Variants in IMPG1 observed in about 807,000 individuals in gnomAD.
IMPG1 encodes the protein interphotoreceptor matrix proteoglycan of 150 kDa.
IMPG1 carries 85 observed loss-of-function variants against 92.0 expected under a neutral mutation model. That is an observed-to-expected ratio of 0.92 (90% CI 0.78 to 1.11). IMPG1 has a LOEUF of 1.11. Ranked by LOEUF, IMPG1 falls within the 50% of genes least tolerant of loss-of-function variation. The pLI is 0.00. For synonymous variants in IMPG1, 367 were observed against 334.1 expected, an observed-to-expected ratio of 1.10 and a Z score of -1.08; for missense variants, 1,022 against 956.0, an observed-to-expected ratio of 1.07 and a Z score of -0.91.
At chr6:75,938,370 A>G (rs947818821) in intron 14 of IMPG1, among the ~76,000 whole-genome samples, 4 of 152,224 alleles carry the variant, frequency 2.6e-5, no homozygotes, top group African/African-American at 9.6e-5. Flanking sequence ...CTCTCCCAGT[A>G]TTGTGACCAC....
At chr6:75,954,573 C>T (rs188322842) in intron 12 of IMPG1, among the ~76,000 whole-genome samples, 1 of 152,252 alleles carries the variant, frequency 6.6e-6, no homozygotes, top group Admixed American at 6.5e-5. Context: ...TGCCTGTTCA[C>T]TCTGATGATA....
At chr6:75,964,641 C>G (rs1331262142) in intron 12 of IMPG1, among the ~76,000 whole-genome samples, 1 of 135,534 alleles carries the variant, frequency 7.4e-6, no homozygotes, top group Non-Finnish European at 1.5e-5. Context: ...GGCGCCACTG[C>G]ACTCCAGTCT....
rs756323795 is a variant in IMPG1, at chr6:76,022,115, C to G, written c.666+1G>C. The G allele has an allele frequency of 2.6e-6, 4 of 1,536,844 alleles. No individual in the cohort carries two copies. In the East Asian group the frequency reaches 7.0e-5, roughly 27 times the overall value. On this transcript the variant is annotated splice_donor_variant, in intron 6 of 16. Transcript: ENST00000369950. LOFTEE classifies it high-confidence loss of function. ...CTAGATCAACTCTAGGAACTTCTTA[C>G]TGTTGTAGGCATCTTGGTGTCGTTG... is the stretch of plus-strand genomic sequence containing the variant.
At position 75,924,615 on chromosome 6, in the gene IMPG1, AAT is replaced by A. The variant is rs1181857749; in HGVS notation, c.2244-911_2244-910del. Among the ~76,000 whole-genome samples the A allele has an allele frequency of 2.1e-3, 52 of 25,204 alleles. 6 individuals carry two copies. The highest frequency in any genetic ancestry group is 3.5e-3 in the Non-Finnish European group (46 of 13,242). The allele number at this position is 25,204 out of a possible 152,430, so 16.5% of individuals were successfully genotyped here. A position where few individuals can be genotyped will look rare whatever the true frequency, so the allele number is the denominator to read the frequency against. ...ATATTATATATAATTAATTATATAT[AAT>A]ATATAATAAATTATATATTATATAT... On this transcript the variant is annotated intron_variant, in intron 15 of 16. Coordinates refer to ENST00000369950, the MANE Select transcript of IMPG1 (RefSeq NM_001563.4).
intron 12 of IMPG1, among the ~76,000 whole-genome samples, chr6:75,997,121 G>A (rs1782914385): frequency 1.3e-5 from 2 of 152,050 alleles, no homozygotes; most frequent in Non-Finnish European, 2.9e-5. Context: ...TCTTTTCCTG[G>A]GCATCATAAA....
chr6:75,961,844 C>G (rs1040181955), intron 12 of IMPG1, among the ~76,000 whole-genome samples: 10 of 152,128 alleles, frequency 6.6e-5, no homozygotes, highest in South Asian at 6.2e-4. Context: ...AAGACATTTT[C>G]AAGCACACAG....
chr6:75,954,530 T>C (rs1242171763), intron 12 of IMPG1, among the ~76,000 whole-genome samples: 4 of 152,206 alleles, frequency 2.6e-5, no homozygotes, highest in Non-Finnish European at 4.4e-5. Context: ...GTTAGATGGA[T>C]AGATTGCCAA....
chr6:76,001,520 T>G (rs1279660416), intron 12 of IMPG1, among the ~76,000 whole-genome samples: 2 of 152,160 alleles, frequency 1.3e-5, no homozygotes, highest in Admixed American at 6.5e-5. Context: ...TTTTAGGCCC[T>G]TAAGATATTA....
chr6:76,053,622 C>T (rs2127596512), intron 1 of IMPG1, among the ~76,000 whole-genome samples: 1 of 152,226 alleles, frequency 6.6e-6, no homozygotes, highest in East Asian at 1.9e-4. Flanking sequence ...CACAAGGTAT[C>T]TTTCTTCCTG....
intron 2 of IMPG1, among the ~76,000 whole-genome samples, chr6:76,037,985 G>A (rs766881930): frequency 5.3e-5 from 8 of 152,092 alleles, no homozygotes; most frequent in Non-Finnish European, 7.4e-5. Context: ...TGTGTTCTTC[G>A]TTGAGCCTAG....
intron 14 of IMPG1, among the ~76,000 whole-genome samples, chr6:75,932,953 G>A (rs1781688498): frequency 1.3e-5 from 2 of 152,010 alleles, no homozygotes; most frequent in Admixed American, 6.6e-5. Context: ...TGCCTGCCTC[G>A]GCCTCCCAAA....
At chr6:75,975,598 T>G (rs1474105297) in intron 12 of IMPG1, among the ~76,000 whole-genome samples, 4 of 152,248 alleles carry the variant, frequency 2.6e-5, no homozygotes, top group African/African-American at 9.6e-5. Context: ...TTTTGTCTAA[T>G]GGAGATGCCA....
intron 15 of IMPG1, among the ~76,000 whole-genome samples, chr6:75,930,211 A>T (rs1226097457): frequency 6.6e-6 from 1 of 152,210 alleles, no homozygotes; most frequent in Non-Finnish European, 1.5e-5. Context: ...TGAAGGAATG[A>T]TTAAACACAT....
At chr6:76,030,228 TG>T (rs1783630693) in intron 4 of IMPG1, among the ~76,000 whole-genome samples, 1 of 152,048 alleles carries the variant, frequency 6.6e-6, no homozygotes, top group Non-Finnish European at 1.5e-5. Context: ...CCCTGCTTGA[TG>T]GGTGTAAGCT....
chr6:76,021,859 G>A (rs1783432328), intron 6 of IMPG1, among the ~76,000 whole-genome samples: 1 of 143,796 alleles, frequency 7.0e-6, no homozygotes, highest in African/African-American at 2.6e-5. Flanking sequence ...AAGAGCCCCA[G>A]CACTCCACAG....
rs563946111 is a variant in IMPG1 at position 75,951,933 on chromosome 6, C to T, written c.1292-839G>A. ...TTCCAGCCTGGGTGACAGAGTGAGA[C>T]TCTGTCTCAAAATAATAATAATAAT... is the stretch of plus-strand genomic sequence containing the variant. On this transcript the variant is annotated intron_variant, in intron 12 of 16. Coordinates refer to ENST00000369950, the MANE Select transcript of IMPG1 (RefSeq NM_001563.4). 3.9e-4 allele frequency among the ~76,000 whole-genome samples: 44 copies of T among 112,282 alleles called. 1 individual carries two copies. The highest frequency in any genetic ancestry group is 2.7e-3 in the Admixed American group (25 of 9,354). The allele number at this position is 112,282 out of a possible 152,430, so 73.7% of individuals were successfully genotyped here. A position where few individuals can be genotyped will look rare whatever the true frequency, so the allele number is the denominator to read the frequency against.
intron 14 of IMPG1, among the ~76,000 whole-genome samples, chr6:75,940,458 T>G (rs183326373): frequency 2.3e-4 from 35 of 152,348 alleles, no homozygotes; most frequent in African/African-American, 7.5e-4. Context: ...TGTACCTATT[T>G]TATATTTTTC....
At chr6:76,027,471 T>G (rs1397915699) in intron 4 of IMPG1, among the ~76,000 whole-genome samples, 1 of 152,212 alleles carries the variant, frequency 6.6e-6, no homozygotes, top group Non-Finnish European at 1.5e-5. Context: ...TAGATTTACA[T>G]GTAAGGGGTG....
Position 75,950,819 on chromosome 6 carries a change from C to A in IMPG1, c.1567G>T (p.Asp523Tyr). The A allele has an allele frequency of 1.2e-6, 2 of 1,613,936 alleles. No homozygotes were observed. Among genetic ancestry groups the A allele is most frequent in the Non-Finnish European group, 1.7e-6 (2 of 1,179,934 alleles). Residue 523 changes from aspartate to tyrosine, a missense_variant, in exon 13 of 17, where the codon GAT becomes TAT. Asp to Tyr is a radical substitution (Grantham distance 160). Around this residue, in one of 3 missense-constraint regions of IMPG1, gnomAD observed 332 missense variants for 346.2 expected, o/e 0.96. Coordinates refer to ENST00000369950, the MANE Select transcript of IMPG1 (RefSeq NM_001563.4). The part of the protein sequence containing the change: ...EDMVRHLDEM[D>Y]LSDTPAPSEV... Reference sequence around the variant, plus strand: ...GATGGGGCAGGAGTGTCAGACAGATCCATTTCATCTAGGTGTCTGACCATA... The same window carrying A: ...GATGGGGCAGGAGTGTCAGACAGATACATTTCATCTAGGTGTCTGACCATA...
Sources: gnomAD v4.1 joint callset for allele counts (sites outside exome capture counted in the v4.1 genomes callset) on GRCh38, gnomAD v4.1.1 for gene constraint, gnomAD v4.1.1 regional missense constraint, MANE v1.5 for transcripts, NCBI Gene and HGNC (gene_info 2026-07-23, HGNC 2026-07-21) for gene names.